The following BRWD3 variants were observed in gnomAD, a reference collection of about 807,000 sequenced individuals.
BRWD3 encodes bromodomain and WD repeat-containing protein 3.
BRWD3 carries 10 observed loss-of-function variants against 149.7 expected under a neutral mutation model. The observed-to-expected ratio is 0.07, with a 90% confidence interval of 0.04 to 0.11. The LOEUF (loss-of-function observed/expected upper bound fraction) is 0.11. BRWD3 is among the 10% of genes least tolerant of loss of function. The pLI, the probability that BRWD3 is intolerant of heterozygous loss-of-function variation, is 1.00. For synonymous variants in BRWD3, 504 were observed against 456.7 expected (o/e 1.10, Z -1.32); for missense variants, 940 against 1,373.2 (o/e 0.68, Z 4.99).
intron 22 of BRWD3, among the ~76,000 whole-genome samples, chrX:80,706,806 G>T (rs2072873523): frequency 8.9e-6 from 1 of 112,953 alleles, no homozygotes; most frequent in African/African-American, 3.2e-5. Context: ...GAGGTGGGAC[G>T]ACTGCTTGAG....
chrX:80,797,826 T>C (rs1250976307), intron 4 of BRWD3, among the ~76,000 whole-genome samples: 1 of 111,682 alleles, frequency 9.0e-6, no homozygotes, highest in Non-Finnish European at 1.9e-5. Flanking sequence ...CCGGGTGCAG[T>C]GGCTCATGCC....
chrX:80,756,535 T>C (rs1425444893), intron 6 of BRWD3, among the ~76,000 whole-genome samples: 2 of 92,062 alleles, frequency 2.2e-5, no homozygotes, highest in African/African-American at 7.5e-5. Flanking sequence ...AGAAACAATG[T>C]CAACACTCTC....
chrX:80,757,855 C>T lies in BRWD3; in HGVS notation c.431-12126G>A, dbSNP rs779374055. On this transcript the variant is annotated intron_variant, in intron 6 of 40. Coordinates refer to ENST00000373275, the MANE Select transcript of BRWD3 (RefSeq NM_153252.5). ...TCTTTAAAGCATAACATTGGTTTAC[C>T]TCTTACTAGAAGCTAAAGCACTGTG... Among the ~76,000 whole-genome samples, 144 of 112,313 alleles carry T rather than the reference C, an allele frequency of 1.3e-3. 1 individual carries two copies. Among genetic ancestry groups the T allele is most frequent in the Non-Finnish European group, 2.5e-3 (134 of 53,231 alleles).
At position 80,786,125 on chromosome X, in the gene BRWD3, T is replaced by A. The variant is rs1046774691; in HGVS notation, c.430+5729A>T. On this transcript the variant is annotated intron_variant, in intron 6 of 40. Transcript: ENST00000373275. ...TAGCTTACCTGTTCCCATATTACTC[T>A]AGATCCACACTATCCAATATAGTGG... 2.4e-4 allele frequency among the ~76,000 whole-genome samples: 27 copies of A among 111,099 alleles called. 1 individual carries two copies. Among genetic ancestry groups the A allele is most frequent in the Non-Finnish European group, 3.8e-5 (2 of 52,852 alleles).
At chrX:80,719,912 G>A (rs2073120404) in intron 17 of BRWD3, among the ~76,000 whole-genome samples, 1 of 111,273 alleles carries the variant, frequency 9.0e-6, no homozygotes, top group South Asian at 3.8e-4. Context: ...GCTGCATAAC[G>A]ACATTTCAGT....
At chrX:80,740,605 C>T (rs1463441214) in intron 8 of BRWD3, among the ~76,000 whole-genome samples, 1 of 111,367 alleles carries the variant, frequency 9.0e-6, no homozygotes, top group Non-Finnish European at 1.9e-5. Flanking sequence ...AAAATATAGC[C>T]GGATGTGGTG....
intron 8 of BRWD3, among the ~76,000 whole-genome samples, chrX:80,742,616 C>T (rs1333611789): frequency 1.8e-5 from 2 of 109,811 alleles, no homozygotes; most frequent in Admixed American, 1.9e-4. Context: ...CCTTCACATC[C>T]CTTGTAAGTT....
At chrX:80,714,043 G>T (rs774068057) in intron 20 of BRWD3, among the ~76,000 whole-genome samples, 1 of 111,386 alleles carries the variant, frequency 9.0e-6, no homozygotes, top group African/African-American at 3.3e-5. Flanking sequence ...CTGCAAAGTT[G>T]TCTCTTGTGG....
At chrX:80,796,074 A>G (rs1165113819) in intron 4 of BRWD3, among the ~76,000 whole-genome samples, 1 of 111,415 alleles carries the variant, frequency 9.0e-6, no homozygotes, top group Non-Finnish European at 1.9e-5. Context: ...GACTAAATAA[A>G]TATTTGTTGA....
chrX:80,752,024 A>G (rs866924258), intron 6 of BRWD3, among the ~76,000 whole-genome samples: 1 of 62,752 alleles, frequency 1.6e-5, no homozygotes, highest in African/African-American at 4.2e-5. Flanking sequence ...TATTATTATT[A>G]TTATTTTAAA....
intron 14 of BRWD3, 87 bp from the exon 15 acceptor site, chrX:80,725,154 G>T (rs1037768800): frequency 3.3e-5 from 32 of 959,680 alleles, no homozygotes; most frequent in Non-Finnish European, 4.1e-5. Flanking sequence ...CTATCAGTTA[G>T]GTTCAAATGA....
chrX:80,804,620 A>G (rs907627685), intron 4 of BRWD3, among the ~76,000 whole-genome samples: 1 of 111,800 alleles, frequency 8.9e-6, no homozygotes, highest in Non-Finnish European at 1.9e-5. Flanking sequence ...CCAAATCACC[A>G]TTTCAATATA....
chrX:80,729,954 C>G lies in BRWD3; in HGVS notation c.1194G>C (p.Trp398Cys). 1 of 1,206,989 alleles carries G rather than the reference C, an allele frequency of 8.3e-7. No homozygotes were observed. The highest frequency in any genetic ancestry group is 3.0e-5 in the East Asian group (1 of 33,797). ...TAGCCATGTCTAGCACTATACTCTT[C>G]CATTCTTGTTGCTGATACTGCCAAA... ...ARIWQYQQQEWKSIVLDMATK... is the reference protein window; with the variant it reads ...ARIWQYQQQECKSIVLDMATK... The change falls in exon 13 of 41, where the codon TGG becomes TGC. Residue 398 changes from tryptophan to cysteine, a missense_variant. Coordinates refer to ENST00000373275, the MANE Select transcript of BRWD3 (RefSeq NM_153252.5).
Position 80,676,383 on chromosome X carries a change from G to A in BRWD3, c.*226C>T. On this transcript the variant is annotated 3_prime_UTR_variant, in exon 41 of 41. Transcript: ENST00000373275. The stretch of plus-strand genomic sequence containing the variant: ...TGTGTGTGTATGTGTTTGTGTGTGT[G>A]TGGGCAGAATTTCTTTTAATTTAAG... 2.3e-6 allele frequency: 1 copy of A among 430,938 alleles called. No homozygotes were observed. Among genetic ancestry groups the A allele is most frequent in the Non-Finnish European group, 4.0e-6 (1 of 249,176 alleles). The allele number at this position is 430,938 out of a possible 1,213,427, so 35.5% of individuals were successfully genotyped here. A position where few individuals can be genotyped will look rare whatever the true frequency, so the allele number is the denominator to read the frequency against.
chrX:80,745,590 T>C lies in BRWD3; in HGVS notation c.570A>G (p.Arg190=). ...LSSVYCVAFD[R]SGRRIFTGSD... ...TCACTGTAAAAATTCTTCTCCCGCT[T>C]CGGTCAAATGCTACACAGTAGACAG... The change falls in exon 7 of 41, where the codon CGA becomes CGG. Residue 190 remains arginine (R), a synonymous_variant. Transcript: ENST00000373275. 1 of 1,209,976 alleles carries C rather than the reference T, an allele frequency of 8.3e-7. No individual in the cohort carries two copies. The highest frequency in any genetic ancestry group is 1.1e-6 in the Non-Finnish European group (1 of 894,588).
chrX:80,710,299 T>C (rs759354432), intron 20 of BRWD3: 7 of 341,259 alleles, frequency 2.1e-5, no homozygotes, highest in Non-Finnish European at 2.2e-5. Context: ...GGAGACCATA[T>C]GGTGTTAGGC....
intron 21 of BRWD3, among the ~76,000 whole-genome samples, chrX:80,707,727 T>A (rs960411284): frequency 8.9e-6 from 1 of 112,149 alleles, no homozygotes; most frequent in Non-Finnish European, 1.9e-5. Context: ...ATATAAAACA[T>A]CTTTTTGTGA....
intron 40 of BRWD3, among the ~76,000 whole-genome samples, chrX:80,679,335 T>C (rs2072412376): frequency 8.9e-6 from 1 of 112,410 alleles, no homozygotes; most frequent in Non-Finnish European, 1.9e-5. Context: ...CTGTGAGATT[T>C]TAAGCTGGGT....
chrX:80,790,356 T>G (rs978403904), intron 6 of BRWD3, among the ~76,000 whole-genome samples: 3 of 111,037 alleles, frequency 2.7e-5, no homozygotes, highest in African/African-American at 6.6e-5. Flanking sequence ...ATATCCATCT[T>G]AGTGAGTTTT....
Sources: gnomAD v4.1 joint callset for allele counts (sites outside exome capture counted in the v4.1 genomes callset) on GRCh38, gnomAD v4.1.1 for gene constraint, MANE v1.5 for transcripts, NCBI Gene and HGNC (gene_info 2026-07-23, HGNC 2026-07-21) for gene names.